Variants in DLG2 observed in about 807,000 individuals in gnomAD.
DLG2 encodes the protein disks large homolog 2.
In DLG2, 45 loss-of-function variants were observed where a neutral mutation model predicts 132.5. The observed-to-expected ratio is 0.34, with a 90% CI of 0.27 to 0.44. The LOEUF is 0.44. Among genes scored for constraint, DLG2 ranks in the 20% least tolerant of loss-of-function variants. The pLI, the probability that DLG2 is intolerant of heterozygous loss-of-function variation, is 1.00. For missense variants in DLG2, 1,045 were observed against 1,196.9 expected, an observed-to-expected ratio of 0.87 and a Z score of 1.87; for synonymous variants, 424 against 419.6, an observed-to-expected ratio of 1.01 and a Z score of -0.13.
intron 7 of DLG2, among the ~76,000 whole-genome samples, chr11:84,285,541 T>G (rs2097901441): frequency 1.3e-5 from 2 of 152,336 alleles, no homozygotes; most frequent in African/African-American, 4.8e-5. Flanking sequence ...CATTTAAATC[T>G]TAGCTTCACT....
At position 84,085,343 on chromosome 11, in the gene DLG2, A is replaced by T. The variant is rs375051148; in HGVS notation, c.749+13580T>A. Among the ~76,000 whole-genome samples the T allele has an allele frequency of 1.7e-4, 26 of 152,344 alleles. No individual in the cohort carries two copies. In the East Asian group the frequency reaches 2.3e-3, roughly 14 times the overall value. ...TAAAATTTGGTTTCAGAATGTTAGA[A>T]TGACAACATGTGTCTGGAGAGACTA... On this transcript the variant is annotated intron_variant, in intron 10 of 27. Coordinates refer to ENST00000376104, the MANE Select transcript of DLG2 (RefSeq NM_001142699.3).
intron 8 of DLG2, among the ~76,000 whole-genome samples, chr11:84,245,305 T>C (rs1232031229): frequency 3.3e-5 from 5 of 152,190 alleles, no homozygotes; most frequent in Non-Finnish European, 7.3e-5. Context: ...TTGCATCCAA[T>C]GGCCTTTTCA....
rs540672290 is a variant in DLG2 at position 85,335,621 on chromosome 11, T to C, written c.41-50256A>G. Among the ~76,000 whole-genome samples the C allele has an allele frequency of 2.0e-5, 3 of 152,318 alleles. No individual in the cohort carries two copies. The South Asian group carries it at 6.2e-4, about 32-fold the overall frequency. ...GAGGCCTTATAGTAATGAATACACT[T>C]AGCATTTGCTTGTCTAAAAAGGATT... On this transcript the variant is annotated intron_variant, in intron 3 of 27. Transcript: ENST00000376104.
intron 6 of DLG2, among the ~76,000 whole-genome samples, chr11:84,911,503 A>G (rs190952263): frequency 4.9e-4 from 74 of 152,150 alleles, no homozygotes; most frequent in African/African-American, 1.7e-3. Flanking sequence ...TCTAATAAAT[A>G]TTAATAAAAC....
chr11:84,547,171 G>C (rs1266588749), intron 6 of DLG2, among the ~76,000 whole-genome samples: 2 of 152,148 alleles, frequency 1.3e-5, no homozygotes, highest in Non-Finnish European at 2.9e-5. Context: ...GATCTAGTAA[G>C]TAGTCACTTA....
chr11:84,535,648 T>C (rs1042541057), intron 6 of DLG2, among the ~76,000 whole-genome samples: 2 of 152,206 alleles, frequency 1.3e-5, no homozygotes, highest in African/African-American at 4.8e-5. Context: ...TGGGTCTCCA[T>C]CCTATTTCTG....
At chr11:83,513,469 T>G in intron 21 of DLG2, among the ~76,000 whole-genome samples, 1 of 152,190 alleles carries the variant, frequency 6.6e-6, no homozygotes, top group African/African-American at 2.4e-5. Flanking sequence ...TTTCTCCCAT[T>G]CTGTAGGTTG....
intron 19 of DLG2, among the ~76,000 whole-genome samples, chr11:83,613,604 C>T (rs1285876507): frequency 6.6e-6 from 1 of 152,164 alleles, no homozygotes; most frequent in Non-Finnish European, 1.5e-5. Flanking sequence ...TCTGAGTCAA[C>T]TAATGTTAAA....
intron 7 of DLG2, among the ~76,000 whole-genome samples, chr11:84,373,226 G>GT (rs1335391623): frequency 1.7e-5 from 1 of 58,012 alleles, no homozygotes; most frequent in African/African-American, 7.8e-5. Flanking sequence ...TCTAAACTTT[G>GT]TTTTTTCCAA....
At chr11:85,104,896 AAAAACAG>A (rs2071470565) in intron 6 of DLG2, among the ~76,000 whole-genome samples, 1 of 146,806 alleles carries the variant, frequency 6.8e-6, no homozygotes, top group East Asian at 2.0e-4. Context: ...AAAAAAAAAA[AAAAACAG>A]AGAGAGAAAG....
chr11:83,510,830 GTTTTTTTT>G (rs566973328), intron 21 of DLG2, among the ~76,000 whole-genome samples: 1,681 of 88,798 alleles, frequency 0.019, 23 homozygotes, highest in Middle Eastern at 0.046. Context: ...TGAACCATCC[GTTTTTTTT>G]TTTTTTTTTT....
At position 85,285,315 on chromosome 11, in the gene DLG2, CACA is replaced by C; in HGVS notation, c.88_90del (p.Cys30del). 2 of 1,611,924 alleles carry C rather than the reference CACA, an allele frequency of 1.2e-6. No individual in the cohort carries two copies. Among genetic ancestry groups the C allele is most frequent in the South Asian group, 2.2e-5 (2 of 91,002 alleles). ...TGATTGGCTTCTTCTATCTTCTGCT[CACA>C]ACTTTTTTGAGAATTTAGCAATGTC... On this transcript the variant is annotated inframe_deletion, in exon 4 of 28. Coordinates refer to ENST00000376104, the MANE Select transcript of DLG2 (RefSeq NM_001142699.3).
intron 11 of DLG2, among the ~76,000 whole-genome samples, chr11:83,997,730 C>CAAAAAAAAAAA (rs71066079): frequency 1.2e-4 from 3 of 24,796 alleles, no homozygotes; most frequent in African/African-American, 3.0e-4. Context: ...GACTCCATCT[C>CAAAAAAAAAAA]AAAAAAAAAA....
intron 11 of DLG2, among the ~76,000 whole-genome samples, chr11:84,001,916 A>G (rs1350425048): frequency 1.3e-5 from 2 of 152,192 alleles, no homozygotes; most frequent in Non-Finnish European, 2.9e-5. Flanking sequence ...AATACAACAT[A>G]CCAAAATCTG....
chr11:85,237,603 C>A (rs181042797), intron 4 of DLG2, among the ~76,000 whole-genome samples: 14 of 152,048 alleles, frequency 9.2e-5, no homozygotes, highest in Admixed American at 9.2e-4. Flanking sequence ...CCAAGGGGAC[C>A]CCTGAAAAAC....
intron 6 of DLG2, among the ~76,000 whole-genome samples, chr11:84,844,131 G>GTATATA (rs1566125410): frequency 1.1e-4 from 3 of 26,400 alleles, no homozygotes; most frequent in South Asian, 1.3e-3. Flanking sequence ...GTGTGTGTGT[G>GTATATA]TGTGTATATA....
At chr11:84,501,186 CTT>C (rs560965048) in intron 7 of DLG2, among the ~76,000 whole-genome samples, 207 of 152,336 alleles carry the variant, frequency 1.4e-3, no homozygotes, top group African/African-American at 4.5e-3. Flanking sequence ...AAATATAAAA[CTT>C]ATATTTTAAG....
At chr11:84,365,357 T>G (rs2098675508) in intron 7 of DLG2, among the ~76,000 whole-genome samples, 1 of 152,148 alleles carries the variant, frequency 6.6e-6, no homozygotes, top group Non-Finnish European at 1.5e-5. Context: ...TCGGTGGTGA[T>G]ATCCCCTTTA....
At chr11:84,219,698 C>G (rs2096887720) in intron 8 of DLG2, among the ~76,000 whole-genome samples, 1 of 152,172 alleles carries the variant, frequency 6.6e-6, no homozygotes, top group African/African-American at 2.4e-5. Context: ...GTTGTTCAAG[C>G]ACTGTCTTCC....
Sources: gnomAD v4.1 joint callset for allele counts (sites outside exome capture counted in the v4.1 genomes callset) on GRCh38, gnomAD v4.1.1 for gene constraint, MANE v1.5 for transcripts, NCBI Gene and HGNC (gene_info 2026-07-23, HGNC 2026-07-21) for gene names.